The following ENTPD7 variants were observed in gnomAD, a reference collection of about 807,000 sequenced individuals.
The protein encoded by ENTPD7 is ectonucleoside triphosphate diphosphohydrolase 7, also known as NTPDase 7.
Under a neutral mutation model 77.9 loss-of-function variants are expected in ENTPD7, and 53 were observed. That is an observed-to-expected ratio of 0.68 (90% CI 0.55 to 0.85). The LOEUF is 0.85. Among genes scored for constraint, ENTPD7 ranks in the 40% least tolerant of loss-of-function variants. The pLI, the probability that ENTPD7 is intolerant of heterozygous loss-of-function variation, is 0.00. For missense variants in ENTPD7, 636 were observed against 743.7 expected (o/e 0.86, Z 1.68); for synonymous variants, 248 against 274.9 (o/e 0.90, Z 0.97).
intron 3 of ENTPD7, among the ~76,000 whole-genome samples, chr10:99,663,802 A>G (rs1311847687): frequency 3.3e-5 from 5 of 152,016 alleles, no homozygotes; most frequent in African/African-American, 1.2e-4. Context: ...TCTTGGATCT[A>G]TGGATTTGTA....
At chr10:99,660,561 C>G (rs6584305) in intron 2 of ENTPD7, 121,691 of 282,312 alleles carry the variant, frequency 0.43, 25,348 homozygotes, top group East Asian at 0.62. Context: ...CACACACACA[C>G]AGAGATATAT....
At chr10:99,673,148 C>A (rs1425055862) in intron 3 of ENTPD7, among the ~76,000 whole-genome samples, 2 of 152,188 alleles carry the variant, frequency 1.3e-5, no homozygotes, top group East Asian at 3.9e-4. Context: ...GACAGTGAAT[C>A]AGACCTCTTT....
At chr10:99,697,703 T>A (rs1442925882) in intron 9 of ENTPD7, 1 of 160,342 alleles carries the variant, frequency 6.2e-6, no homozygotes, top group Non-Finnish European at 1.4e-5. Flanking sequence ...TGTTCTGTTG[T>A]ACTGCCTCAT....
At chr10:99,669,022 CTTTAT>C (rs374234805) in intron 3 of ENTPD7, among the ~76,000 whole-genome samples, 23 of 148,966 alleles carry the variant, frequency 1.5e-4, no homozygotes, top group Non-Finnish European at 2.7e-4. Context: ...TACATGCATT[CTTTAT>C]TTTATTTTAT....
chr10:99,673,396 A>C (rs2035639532), intron 3 of ENTPD7, among the ~76,000 whole-genome samples: 1 of 152,244 alleles, frequency 6.6e-6, no homozygotes, highest in African/African-American at 2.4e-5. Context: ...GCCTAAATAG[A>C]GGAAGGCTTC....
Position 99,688,403 on chromosome 10 carries a change from AC to A in ENTPD7, c.653-290del, listed in dbSNP as rs764144992. ...GCCCAGAACTAGAACTCCAAAATTT[AC>A]ATTTTTTCTTTTTTTTCGATATCTT... On this transcript the variant is annotated intron_variant, in intron 6 of 12. Transcript: ENST00000370489. Among the ~76,000 whole-genome samples, 18 of 152,252 alleles carry A rather than the reference AC, an allele frequency of 1.2e-4. No homozygotes were observed. The South Asian group carries it at 1.5e-3, about 12-fold the overall frequency.
chr10:99,659,680 A>C lies in ENTPD7; in HGVS notation c.-96+92A>C. Reference sequence around the variant, plus strand: ...CGCCACCTGGGGACGACCGGTTCCTAGAGGACAGAGCTGGCCCACGAGAAC... The same window carrying C: ...CGCCACCTGGGGACGACCGGTTCCTCGAGGACAGAGCTGGCCCACGAGAAC... On this transcript the variant is annotated intron_variant, in intron 1 of 12. Transcript: ENST00000370489. This position sits in a 1 kb window ranked among gnomAD's most constrained non-coding sequence, Gnocchi z 4.1. The C allele has an allele frequency of 2.8e-6, 1 of 360,998 alleles. No homozygotes were observed. The highest frequency in any genetic ancestry group is 5.0e-5 in the East Asian group (1 of 19,906). The allele number at this position is 360,998 out of a possible 1,614,324, so 22.4% of individuals were successfully genotyped here. A position where few individuals can be genotyped will look rare whatever the true frequency, so the allele number is the denominator to read the frequency against.
rs778053103 is a variant in ENTPD7, at chr10:99,691,463, C to T, written c.788C>T (p.Ser263Phe). 5.0e-6 allele frequency: 8 copies of T among 1,613,994 alleles called. No individual in the cohort carries two copies. The Admixed American group carries it at 1.3e-4, about 27-fold the overall frequency. ...TVGILDMGGA[S>F]LQIAYEVPTS... ...GGGATACTGGATATGGGAGGAGCCT[C>T]TCTCCAAATTGCTTATGAAGTTCCT... The change falls in exon 8 of 13, where the codon TCT becomes TTT. Residue 263 changes from serine (S) to phenylalanine (F), a missense_variant. Ser to Phe is a radical substitution (Grantham distance 155). Coordinates refer to ENST00000370489, the MANE Select transcript of ENTPD7 (RefSeq NM_020354.5).
chr10:99,660,532 AC>A, intron 2 of ENTPD7: 1 of 78,582 alleles, frequency 1.3e-5, no homozygotes, highest in Admixed American at 1.3e-4. Context: ...ATACGCACAC[AC>A]ACACACACAC....
chr10:99,709,123 A>G lies in ENTPD7; in HGVS notation c.*4440A>G. The G allele has an allele frequency of 2.0e-6, 2 of 982,974 alleles. No individual in the cohort carries two copies. Among genetic ancestry groups the G allele is most frequent in the Non-Finnish European group, 2.4e-6 (2 of 827,702 alleles). The allele number at this position is 982,974 out of a possible 1,614,324, so 60.9% of individuals were successfully genotyped here. A position where few individuals can be genotyped will look rare whatever the true frequency, so the allele number is the denominator to read the frequency against. On this transcript the variant is annotated 3_prime_UTR_variant, in exon 13 of 13. Coordinates refer to ENST00000370489, the MANE Select transcript of ENTPD7 (RefSeq NM_020354.5). ...ATTTTATACAATTTCCTTTACTACA[A>G]CATCCAAGCAATTCATTAGATGACT...
At chr10:99,668,562 G>A (rs1278551494) in intron 3 of ENTPD7, among the ~76,000 whole-genome samples, 1 of 152,134 alleles carries the variant, frequency 6.6e-6, no homozygotes, top group Non-Finnish European at 1.5e-5. Context: ...ATTTGCATAA[G>A]AAGAGTAGAG....
Position 99,706,011 on chromosome 10 carries a change from T to A in ENTPD7, c.*1328T>A, listed in dbSNP as rs2036243676. On this transcript the variant is annotated 3_prime_UTR_variant, in exon 13 of 13. Transcript: ENST00000370489. ...ACCCTTTCCTACATGTAGCCTTGAA[T>A]GTCCTTTCCACGAATATGCTCCCAC... is the stretch of plus-strand genomic sequence containing the variant. The A allele has an allele frequency of 6.6e-6, 1 of 152,250 alleles. No homozygotes were observed. Among genetic ancestry groups the A allele is most frequent in the Non-Finnish European group, 1.5e-5 (1 of 68,048 alleles). 9.4% of individuals were successfully genotyped at this position (152,250 alleles called of 1,614,324 possible).
At chr10:99,681,583 A>G (rs534690565) in intron 5 of ENTPD7, among the ~76,000 whole-genome samples, 2 of 152,228 alleles carry the variant, frequency 1.3e-5, no homozygotes, top group South Asian at 2.1e-4. Context: ...TACCCGGCCT[A>G]TATTTTTAAT....
intron 3 of ENTPD7, among the ~76,000 whole-genome samples, chr10:99,672,129 A>G (rs1019494495): frequency 2.6e-5 from 4 of 152,042 alleles, no homozygotes; most frequent in Non-Finnish European, 5.9e-5. Context: ...TTATAGGTGC[A>G]TGCCACCGTG....
chr10:99,694,060 T>C (rs558786194), intron 8 of ENTPD7, among the ~76,000 whole-genome samples: 1 of 152,370 alleles, frequency 6.6e-6, no homozygotes, highest in African/African-American at 2.4e-5. Flanking sequence ...TATATTTTTT[T>C]GTACAACTCA....
At chr10:99,670,799 G>T (rs932258150) in intron 3 of ENTPD7, among the ~76,000 whole-genome samples, 2 of 152,144 alleles carry the variant, frequency 1.3e-5, no homozygotes, top group African/African-American at 4.8e-5. Flanking sequence ...CAGATCTCTT[G>T]AGCCCAGGAG....
chr10:99,681,267 A>ATTAT (rs34561300), intron 5 of ENTPD7, among the ~76,000 whole-genome samples: 58,546 of 149,348 alleles, frequency 0.39, 11,657 homozygotes, highest in East Asian at 0.55. Flanking sequence ...TGACAGTTTG[A>ATTAT]TTATTTATTT....
intron 2 of ENTPD7, 113 bp from the exon 3 acceptor site, chr10:99,661,333 C>A (rs1182549543): frequency 1.2e-6 from 1 of 834,038 alleles, no homozygotes; most frequent in Non-Finnish European, 1.8e-6. Context: ...ATTTAGACTT[C>A]TGTTGGCATG....
intron 12 of ENTPD7, among the ~76,000 whole-genome samples, chr10:99,703,835 C>T (rs2036192620): frequency 6.6e-6 from 1 of 152,126 alleles, no homozygotes; most frequent in African/African-American, 2.4e-5. Context: ...GATTCTCCTG[C>T]CTCAGCCTTC....
Sources: allele counts gnomAD v4.1 joint callset (sites outside exome capture counted in the v4.1 genomes callset), GRCh38; gene constraint gnomAD v4.1.1; non-coding constraint Gnocchi (gnomAD v3.1); transcripts MANE v1.5; gene names NCBI Gene and HGNC (gene_info 2026-07-23, HGNC 2026-07-21).